RHBDL2: variants seen among roughly 807,000 people sequenced by gnomAD.
The protein encoded by RHBDL2 is rhomboid-related protein 2.
A neutral mutation model predicts 31.7 loss-of-function variants in RHBDL2; 26 were observed. That is an observed-to-expected ratio of 0.82 (90% CI 0.60 to 1.14). RHBDL2 has a LOEUF of 1.14. Ranked by LOEUF, RHBDL2 falls within the 50% of genes most tolerant of loss-of-function variation. The pLI, the probability that RHBDL2 is intolerant of heterozygous loss-of-function variation, is 0.00. For synonymous variants in RHBDL2, 123 were observed against 127.2 expected (o/e 0.97, Z 0.22); for missense variants, 336 against 364.4 (o/e 0.92, Z 0.63).
chr1:38,912,450 G>T (rs1427215192), intron 3 of RHBDL2, among the ~76,000 whole-genome samples: 14 of 151,100 alleles, frequency 9.3e-5, no homozygotes, highest in African/African-American at 3.4e-4. Flanking sequence ...CTTCACCCAA[G>T]CTAGAGTGCA....
At chr1:38,887,335 C>T (rs1170176054) in intron 7 of RHBDL2, among the ~76,000 whole-genome samples, 2 of 152,210 alleles carry the variant, frequency 1.3e-5, no homozygotes, top group Non-Finnish European at 2.9e-5. Flanking sequence ...CCCATCTCAG[C>T]TCCCCAAGTA....
At chr1:38,894,252 T>C (rs1642887637) in intron 5 of RHBDL2, among the ~76,000 whole-genome samples, 1 of 152,200 alleles carries the variant, frequency 6.6e-6, no homozygotes, top group Non-Finnish European at 1.5e-5. Flanking sequence ...AAAACCACTT[T>C]TCTTAGTGAT....
At chr1:38,914,255 T>G (rs772101565) in intron 3 of RHBDL2, among the ~76,000 whole-genome samples, 26 of 152,096 alleles carry the variant, frequency 1.7e-4, no homozygotes, top group Non-Finnish European at 2.9e-4. Context: ...TTTTATTTTA[T>G]TTTTGAGACA....
chr1:38,938,524 T>C (rs1293293513), intron 1 of RHBDL2, among the ~76,000 whole-genome samples: 1 of 152,148 alleles, frequency 6.6e-6, no homozygotes, highest in Non-Finnish European at 1.5e-5. Flanking sequence ...CTCCTCCCTC[T>C]GCTAGAACAT....
intron 2 of RHBDL2, among the ~76,000 whole-genome samples, chr1:38,916,389 G>C (rs1212980055): frequency 6.6e-6 from 1 of 152,226 alleles, no homozygotes; most frequent in African/African-American, 2.4e-5. Context: ...AACAAAGACT[G>C]AGAAGTTGCC....
intron 6 of RHBDL2, among the ~76,000 whole-genome samples, chr1:38,888,700 C>A (rs1256344459): frequency 6.6e-6 from 1 of 152,186 alleles, no homozygotes; most frequent in Non-Finnish European, 1.5e-5. Flanking sequence ...AGACCAGCAG[C>A]ATCAGCTTCA....
chr1:38,889,296 G>C (rs1642826274), intron 6 of RHBDL2, among the ~76,000 whole-genome samples: 1 of 152,064 alleles, frequency 6.6e-6, no homozygotes, highest in Admixed American at 6.6e-5. Context: ...ATTTCACCGT[G>C]TTGACAAGGC....
intron 4 of RHBDL2, among the ~76,000 whole-genome samples, chr1:38,908,133 A>G (rs2124321249): frequency 6.6e-6 from 1 of 150,950 alleles, no homozygotes; most frequent in East Asian, 2.0e-4. Context: ...ATATTCAACA[A>G]TGCATCTCAG....
chr1:38,921,131 G>A (rs1384037580), intron 1 of RHBDL2, among the ~76,000 whole-genome samples: 4 of 152,154 alleles, frequency 2.6e-5, no homozygotes, highest in Non-Finnish European at 4.4e-5. Flanking sequence ...TATCTGGGCC[G>A]GGCGTGGTGG....
chr1:38,911,336 G>GCCAGGTACACCAGCCCCA lies in RHBDL2; in HGVS notation c.476_493dup (p.Val159_Leu164dup). 2 of 1,610,382 alleles carry GCCAGGTACACCAGCCCCA rather than the reference G, an allele frequency of 1.2e-6. No individual in the cohort carries two copies. ...AGAACACTGACCTGCAATCACTCCT[G>GCCAGGTACACCAGCCCCA]CCAGGTACACCAGCCCCACACGGAG... On this transcript the variant is annotated inframe_insertion, in exon 4 of 8. Transcript: ENST00000372990.
At chr1:38,920,435 TG>T (rs923350164) in intron 1 of RHBDL2, among the ~76,000 whole-genome samples, 9 of 152,124 alleles carry the variant, frequency 5.9e-5, no homozygotes, top group Middle Eastern at 3.4e-3. Flanking sequence ...CCCAAAGTGT[TG>T]GGATTACAGG....
chr1:38,931,521 CA>C (rs201157232), intron 1 of RHBDL2, among the ~76,000 whole-genome samples: 22,859 of 130,992 alleles, frequency 0.17, 3,559 homozygotes, highest in African/African-American at 0.42. Context: ...GACTCCGTCT[CA>C]AAAAAAAAAA....
rs1423187642 is a variant in RHBDL2, at chr1:38,919,057, C to A, written c.156G>T (p.Trp52Cys). 5 of 1,614,068 alleles carry A rather than the reference C, an allele frequency of 3.1e-6. No individual in the cohort carries two copies. Among genetic ancestry groups the A allele is most frequent in the Non-Finnish European group, 3.4e-6 (4 of 1,180,050 alleles). The change falls in exon 2 of 8, where the codon TGG becomes TGT. Residue 52 changes from tryptophan to cysteine, a missense_variant. Coordinates refer to ENST00000372990, the MANE Select transcript of RHBDL2 (RefSeq NM_017821.5). Reference protein sequence around the residue: ...SKKVHRIVSKWMLPEKSRGTY... With the variant: ...SKKVHRIVSKCMLPEKSRGTY... ...TTCCTCGGGACTTTTCGGGCAGCAT[C>A]CATTTTGAGACAATCCTGTGGACCT...
intron 4 of RHBDL2, among the ~76,000 whole-genome samples, chr1:38,901,461 C>CAAAA (rs532037662): frequency 9.8e-5 from 5 of 51,138 alleles, no homozygotes; most frequent in African/African-American, 1.1e-4. Flanking sequence ...GGCTCAGTCT[C>CAAAA]AAAAAAAAAA....
At chr1:38,930,863 A>G (rs1482374075) in intron 1 of RHBDL2, among the ~76,000 whole-genome samples, 1 of 152,194 alleles carries the variant, frequency 6.6e-6, no homozygotes, top group Non-Finnish European at 1.5e-5. Context: ...ATAGTGGTCC[A>G]CTGATAATGA....
At chr1:38,929,570 C>A (rs1349253883) in intron 1 of RHBDL2, 1 of 1,288,106 alleles carries the variant, frequency 7.8e-7, no homozygotes, top group East Asian at 5.5e-5. Flanking sequence ...CCCACCCATT[C>A]ATTGGTACCA....
rs1233322071 is a variant in RHBDL2, at chr1:38,912,898, ATATATATATATATGTGTGTGTGTGTG to A, written c.396-1490_396-1465del. On this transcript the variant is annotated intron_variant, in intron 3 of 7. Coordinates refer to ENST00000372990, the MANE Select transcript of RHBDL2 (RefSeq NM_017821.5). ...TACCATATACCATATATATATATAT[ATATATATATATATGTGTGTGTGTGTG>A]TGTGTGTGTGTGTGTGTGTGTGTGT... 1.2e-4 allele frequency among the ~76,000 whole-genome samples: 10 copies of A among 84,244 alleles called. 1 individual carries two copies. Among genetic ancestry groups the A allele is most frequent in the South Asian group, 7.2e-4 (2 of 2,794 alleles). 55.3% of individuals were successfully genotyped at this position (84,244 alleles called of 152,430 possible).
intron 1 of RHBDL2, among the ~76,000 whole-genome samples, chr1:38,931,317 C>G (rs950168549): frequency 6.6e-6 from 1 of 151,988 alleles, no homozygotes; most frequent in African/African-American, 2.4e-5. Context: ...GTCAGGAGAT[C>G]GAGACCATCC....
chr1:38,912,396 C>T (rs1643161056), intron 3 of RHBDL2, among the ~76,000 whole-genome samples: 3 of 150,650 alleles, frequency 2.0e-5, no homozygotes, highest in East Asian at 1.9e-4. Flanking sequence ...TGAGCCACCG[C>T]GCCTGGCCCG....
Sources: gnomAD v4.1 joint callset for allele counts (sites outside exome capture counted in the v4.1 genomes callset) on GRCh38, gnomAD v4.1.1 for gene constraint, MANE v1.5 for transcripts, NCBI Gene and HGNC (gene_info 2026-07-23, HGNC 2026-07-21) for gene names.